Variants in OTUB1 observed in about 807,000 individuals in gnomAD.
OTUB1 encodes the protein ubiquitin thioesterase OTUB1.
OTUB1 carries 10 observed loss-of-function variants against 35.8 expected under a neutral mutation model. The observed-to-expected ratio is 0.28, with a 90% confidence interval of 0.17 to 0.47. The LOEUF (loss-of-function observed/expected upper bound fraction) is 0.47. OTUB1 is among the 20% of genes least tolerant of loss of function. OTUB1 has a pLI of 0.99. For missense variants in OTUB1, 264 were observed against 351.6 expected, an observed-to-expected ratio of 0.75 and a Z score of 1.99; for synonymous variants, 158 against 143.8, an observed-to-expected ratio of 1.10 and a Z score of -0.71.
chr11:63,997,322 A>G (rs2134312126), intron 6 of OTUB1, 27 bp from the exon 7 acceptor site: 1 of 1,613,462 alleles, frequency 6.2e-7, no homozygotes, highest in Non-Finnish European at 8.5e-7. Context: ...TGCGGAGACC[A>G]GGGCCTGACC....
At position 63,988,722 on chromosome 11, in the gene OTUB1, A is replaced by G. The variant is rs149786795; in HGVS notation, c.189A>G (p.Glu63=). Residue 63 remains glutamate (E), a synonymous_variant, in exon 3 of 7, where the codon GAA becomes GAG. Coordinates refer to ENST00000538426, the MANE Select transcript of OTUB1 (RefSeq NM_017670.3). ...CGGTCCTATACAAGGAGTATGCTGA[A>G]GATGACAACATCTATCAACAGAAGA... ...ELSVLYKEYA[E]DDNIYQQKIK... is the part of the protein sequence containing the mutation. 5.0e-6 allele frequency: 8 copies of G among 1,612,892 alleles called. No individual in the cohort carries two copies. Among genetic ancestry groups the G allele is most frequent in the Admixed American group, 1.7e-5 (1 of 60,002 alleles).
rs1017902759 is a variant in OTUB1, at chr11:63,998,128, T to C, written c.*582T>C. ...TGGAGGAGCTGGGCCTCCCACAGGG[T>C]GCCCGGGCAGTGCCATCCTGGTGGG... is the stretch of plus-strand genomic sequence containing the variant. On this transcript the variant is annotated 3_prime_UTR_variant, in exon 7 of 7. Transcript: ENST00000538426. The C allele has an allele frequency of 2.6e-5, 8 of 310,652 alleles. No homozygotes were observed. In the Admixed American group the frequency reaches 3.9e-4, roughly 15 times the overall value. 19.2% of individuals were successfully genotyped at this position (310,652 alleles called of 1,614,324 possible). A position where few individuals can be genotyped will look rare whatever the true frequency, so the allele number is the denominator to read the frequency against.
chr11:63,991,765 G>C (rs1389295919), intron 3 of OTUB1, among the ~76,000 whole-genome samples: 1 of 152,222 alleles, frequency 6.6e-6, no homozygotes, highest in Non-Finnish European at 1.5e-5. Flanking sequence ...AGAACGGACT[G>C]TGGTCCAGGC....
chr11:63,994,076 G>A (rs576741335), intron 3 of OTUB1, among the ~76,000 whole-genome samples: 21 of 151,940 alleles, frequency 1.4e-4, no homozygotes, highest in Non-Finnish European at 2.8e-4. Flanking sequence ...GCAGTGAGCC[G>A]TGATCTTGCC....
intron 3 of OTUB1, among the ~76,000 whole-genome samples, chr11:63,994,463 G>T (rs1942699590): frequency 6.6e-6 from 1 of 152,236 alleles, no homozygotes; most frequent in Non-Finnish European, 1.5e-5. Flanking sequence ...ATGTTGGCCA[G>T]GATGGTCTTG....
At chr11:63,988,095 C>T (rs545685778) in intron 1 of OTUB1, among the ~76,000 whole-genome samples, 14 of 152,130 alleles carry the variant, frequency 9.2e-5, no homozygotes, top group East Asian at 1.9e-4. Flanking sequence ...GTCAACATGG[C>T]GAAACCCCAT....
intron 3 of OTUB1, among the ~76,000 whole-genome samples, chr11:63,993,200 G>T (rs994631014): frequency 6.6e-6 from 1 of 152,218 alleles, no homozygotes; most frequent in African/African-American, 2.4e-5. Context: ...TGCTGTGGGT[G>T]ACTGAGGTGG....
At chr11:63,995,057 G>T (rs1485236240) in intron 3 of OTUB1, among the ~76,000 whole-genome samples, 1 of 151,828 alleles carries the variant, frequency 6.6e-6, no homozygotes, top group East Asian at 1.9e-4. Context: ...TTGAGATAGG[G>T]TCTCACGCAC....
At chr11:63,990,597 A>AAATAAATAAATAAAT (rs1555002840) in intron 3 of OTUB1, 1 of 144,834 alleles carries the variant, frequency 6.9e-6, no homozygotes, top group African/African-American at 2.7e-5. Context: ...AAAAAATAAA[A>AAATAAATAAATAAAT]AAATAAATAA....
chr11:63,994,063 G>A (rs1252899620), intron 3 of OTUB1, among the ~76,000 whole-genome samples: 2 of 151,998 alleles, frequency 1.3e-5, no homozygotes, highest in Non-Finnish European at 2.9e-5. Flanking sequence ...GTAGGTTGAT[G>A]CTGCAGTGAG....
intron 1 of OTUB1, among the ~76,000 whole-genome samples, chr11:63,987,948 A>G (rs947121962): frequency 6.6e-6 from 1 of 152,130 alleles, no homozygotes; most frequent in Non-Finnish European, 1.5e-5. Context: ...CATTTTAAAG[A>G]TGAGGAAATG....
chr11:63,997,458 C>G lies in OTUB1; in HGVS notation c.728C>G (p.Thr243Ser), dbSNP rs910361138. ...TACATGGACCGCGGCGAGGGCGGCA[C>G]CACCAATCCGCACATCTTCCCTGAG... ...VEYMDRGEGG[T>S]TNPHIFPEGS... The change falls in exon 7 of 7, where the codon ACC becomes AGC. Residue 243 changes from threonine (T) to serine (S), a missense_variant. Thr to Ser is a moderately conservative substitution (Grantham distance 58). Around this residue, in one of 2 missense-constraint regions of OTUB1, gnomAD observed 214 missense variants for 317.1 expected, o/e 0.67. Transcript: ENST00000538426. 2.5e-6 allele frequency: 4 copies of G among 1,614,002 alleles called. No individual in the cohort carries two copies. Among genetic ancestry groups the G allele is most frequent in the Non-Finnish European group, 3.4e-6 (4 of 1,180,020 alleles).
chr11:63,992,130 CTT>C (rs1315843412), intron 3 of OTUB1, among the ~76,000 whole-genome samples: 1 of 151,904 alleles, frequency 6.6e-6, no homozygotes, highest in Non-Finnish European at 1.5e-5. Flanking sequence ...AGCAGAATCT[CTT>C]GAACCTGGGA....
chr11:63,991,833 T>G (rs1304981583), intron 3 of OTUB1, among the ~76,000 whole-genome samples: 1 of 152,192 alleles, frequency 6.6e-6, no homozygotes, highest in Non-Finnish European at 1.5e-5. Context: ...TCACAAAACT[T>G]ACAGTTCAGG....
chr11:63,997,758 C>T lies in OTUB1; in HGVS notation c.*212C>T. The T allele has an allele frequency of 1.4e-6, 1 of 702,370 alleles. No individual in the cohort carries two copies. Among genetic ancestry groups the T allele is most frequent in the Middle Eastern group, 3.0e-4 (1 of 3,312 alleles). 43.5% of individuals were successfully genotyped at this position (702,370 alleles called of 1,614,324 possible). A position where few individuals can be genotyped will look rare whatever the true frequency, so the allele number is the denominator to read the frequency against. On this transcript the variant is annotated 3_prime_UTR_variant, in exon 7 of 7. Coordinates refer to ENST00000538426, the MANE Select transcript of OTUB1 (RefSeq NM_017670.3). ...CGCCTGGCTGCTCTGTCTGCTGCCC[C>T]CTCCCCCCAGGTGGGTCCCCCTGCT... is the stretch of plus-strand genomic sequence containing the variant.
intron 1 of OTUB1, chr11:63,986,747 C>T: frequency 2.0e-6 from 1 of 511,844 alleles, no homozygotes. Context: ...GGCCCTTCTC[C>T]ATCGTGTGCG....
At chr11:63,988,587 T>C (rs1565184256) in intron 2 of OTUB1, 67 bp from the exon 3 acceptor site, 1 of 1,343,156 alleles carries the variant, frequency 7.4e-7, no homozygotes, top group South Asian at 1.2e-5. Context: ...TTTGTAGTTA[T>C]TCTGTCTGTT....
chr11:63,993,351 C>CT (rs1942689241), intron 3 of OTUB1, among the ~76,000 whole-genome samples: 1 of 152,018 alleles, frequency 6.6e-6, no homozygotes, highest in Non-Finnish European at 1.5e-5. Flanking sequence ...GAGATTCACA[C>CT]TTGGGGCTAT....
chr11:63,986,572 T>C, intron 1 of OTUB1, 58 bp downstream of exon 1: 2 of 1,463,692 alleles, frequency 1.4e-6, no homozygotes, highest in Non-Finnish European at 1.9e-6. Flanking sequence ...CCGGGCCAGC[T>C]GCTCCCGAGG....
Sources: gnomAD v4.1 joint callset for allele counts (sites outside exome capture counted in the v4.1 genomes callset) on GRCh38, gnomAD v4.1.1 for gene constraint, gnomAD v4.1.1 regional missense constraint, MANE v1.5 for transcripts, NCBI Gene and HGNC (gene_info 2026-07-23, HGNC 2026-07-21) for gene names.